The following CLUAP1 variants were observed in gnomAD, a reference collection of about 807,000 sequenced individuals.
CLUAP1 encodes the protein intraflagellar transport 38.
A neutral mutation model predicts 55.0 loss-of-function variants in CLUAP1; 50 were observed. The observed-to-expected ratio is 0.91, with a 90% CI of 0.72 to 1.15. The LOEUF (loss-of-function observed/expected upper bound fraction) is 1.15, where lower values mean the gene tolerates loss of function less well. Ranked by LOEUF, CLUAP1 falls within the 50% of genes most tolerant of loss-of-function variation. CLUAP1 has a pLI of 0.00. For synonymous variants in CLUAP1, 195 were observed against 175.4 expected (o/e 1.11, Z -0.88); for missense variants, 530 against 507.6 (o/e 1.04, Z -0.42).
intron 11 of CLUAP1, chr16:3,535,379 G>GT (rs545989108): frequency 3.3e-5 from 5 of 151,958 alleles, no homozygotes; most frequent in Non-Finnish European, 7.3e-5. Context: ...TACCTTTGGG[G>GT]TTTTTTTTCA....
intron 9 of CLUAP1, among the ~76,000 whole-genome samples, chr16:3,527,552 C>A (rs577445963): frequency 6.6e-6 from 1 of 151,978 alleles, no homozygotes; most frequent in East Asian, 1.9e-4. Context: ...TCCCTTTCCC[C>A]GGGGGAGTTT....
intron 4 of CLUAP1, among the ~76,000 whole-genome samples, chr16:3,509,073 A>G (rs2037565741): frequency 6.6e-6 from 1 of 152,012 alleles, no homozygotes; most frequent in Non-Finnish European, 1.5e-5. Flanking sequence ...CCTGGGCAAC[A>G]TAGTGAGACG....
chr16:3,537,755 T>C lies in CLUAP1; in HGVS notation c.*1484T>C, dbSNP rs2038261336. 1 of 151,900 alleles carries C rather than the reference T, an allele frequency of 6.6e-6. No homozygotes were observed. The highest frequency in any genetic ancestry group is 1.5e-5 in the Non-Finnish European group (1 of 68,004). The allele number at this position is 151,900 out of a possible 1,614,324, so 9.4% of individuals were successfully genotyped here. On this transcript the variant is annotated 3_prime_UTR_variant, in exon 12 of 12. Transcript: ENST00000576634. ...GGCTCATGCCTGTAATCCTAGCACT[T>C]TGAGAGGCTGAGGTGGGTAGATCAC... is the stretch of plus-strand genomic sequence containing the variant.
chr16:3,496,383 C>G, upstream of CLUAP1: 1 of 1,195,162 alleles, frequency 8.4e-7, no homozygotes, highest in Non-Finnish European at 1.2e-6. Context: ...AACCGGCCAC[C>G]TCTGTCCGTT....
intron 10 of CLUAP1, among the ~76,000 whole-genome samples, chr16:3,532,483 C>G (rs539085286): frequency 7.8e-6 from 1 of 128,156 alleles, no homozygotes; most frequent in South Asian, 2.7e-4. Context: ...GGCACGATCT[C>G]AGCTCACTGC....
At chr16:3,513,247 T>C (rs2037666935) in intron 5 of CLUAP1, among the ~76,000 whole-genome samples, 1 of 151,684 alleles carries the variant, frequency 6.6e-6, no homozygotes, top group Non-Finnish European at 1.5e-5. Context: ...GCATTGGGAG[T>C]TTTCAGATTC....
chr16:3,508,481 A>G lies in CLUAP1; in HGVS notation c.399+13A>G. ...TCTTGGCTCAAAGGTAAGGACAACA[A>G]AAGCCTTGTAGTGGGCGATGGAGCG... On this transcript the variant is annotated intron_variant, in intron 4 of 11. Coordinates refer to ENST00000576634, the MANE Select transcript of CLUAP1 (RefSeq NM_015041.3). 6.4e-7 allele frequency: 1 copy of G among 1,557,780 alleles called. No homozygotes were observed. The highest frequency in any genetic ancestry group is 2.4e-5 in the East Asian group (1 of 41,812).
intron 2 of CLUAP1, 72 bp downstream of exon 2, chr16:3,504,903 A>T: frequency 1.1e-6 from 1 of 937,558 alleles, no homozygotes; most frequent in Non-Finnish European, 1.8e-6. Context: ...AGAAAACAGG[A>T]CACAGCTGTG....
intron 9 of CLUAP1, among the ~76,000 whole-genome samples, chr16:3,527,851 A>G (rs1452424258): frequency 6.6e-6 from 1 of 152,136 alleles, no homozygotes; most frequent in Non-Finnish European, 1.5e-5. Context: ...CCCCCTGTCC[A>G]GTGGATACGT....
At chr16:3,518,390 TG>T (rs2037769312) in intron 6 of CLUAP1, among the ~76,000 whole-genome samples, 1 of 152,202 alleles carries the variant, frequency 6.6e-6, no homozygotes, top group Non-Finnish European at 1.5e-5. Flanking sequence ...AGAAAATATC[TG>T]TGATGTTTGA....
chr16:3,523,008 G>T, intron 7 of CLUAP1, 150 bp from the exon 8 acceptor site: 1 of 529,418 alleles, frequency 1.9e-6, no homozygotes, highest in East Asian at 3.5e-5. Flanking sequence ...GCAGAAAAGG[G>T]AAAATATTTT....
chr16:3,526,959 T>C (rs528100337), intron 9 of CLUAP1, among the ~76,000 whole-genome samples: 1 of 152,130 alleles, frequency 6.6e-6, no homozygotes, highest in Non-Finnish European at 1.5e-5. Context: ...GCCGCTCGCT[T>C]TGTGATGGTC....
intron 9 of CLUAP1, among the ~76,000 whole-genome samples, chr16:3,529,460 A>G (rs538571652): frequency 2.5e-5 from 2 of 80,434 alleles, no homozygotes; most frequent in South Asian, 5.9e-4. Context: ...ATTATTATAT[A>G]TAATATATAT....
chr16:3,508,538 C>G lies in CLUAP1; in HGVS notation c.399+70C>G, dbSNP rs761849830. 24 of 1,354,046 alleles carry G rather than the reference C, an allele frequency of 1.8e-5. No homozygotes were observed. The Admixed American group carries it at 2.0e-4, about 11-fold the overall frequency. 83.9% of individuals were successfully genotyped at this position (1,354,046 alleles called of 1,614,324 possible). Reference sequence around the variant, plus strand: ...TCTTGAGCTCTGAAGTGGAAGGAGTCTGCTACAGCTCCGCTGCTTTTCTTC... The same window carrying G: ...TCTTGAGCTCTGAAGTGGAAGGAGTGTGCTACAGCTCCGCTGCTTTTCTTC... On this transcript the variant is annotated intron_variant, in intron 4 of 11. Coordinates refer to ENST00000576634, the MANE Select transcript of CLUAP1 (RefSeq NM_015041.3).
upstream of CLUAP1, among the ~76,000 whole-genome samples, chr16:3,498,789 G>A (rs186350146): frequency 4.3e-4 from 66 of 152,198 alleles, 1 homozygote; most frequent in East Asian, 0.012. Context: ...AAACCCAGGA[G>A]GCAGAGCTTG....
chr16:3,529,370 T>G lies in CLUAP1; in HGVS notation c.929-1198T>G, dbSNP rs529510053. 2.8e-3 allele frequency among the ~76,000 whole-genome samples: 318 copies of G among 113,794 alleles called. 4 individuals carry two copies. The highest frequency in any genetic ancestry group is 0.01 in the African/African-American group (288 of 27,774). 74.7% of individuals were successfully genotyped at this position (113,794 alleles called of 152,430 possible). A position where few individuals can be genotyped will look rare whatever the true frequency, so the allele number is the denominator to read the frequency against. ...AAATCCATGGATACAGAGGGCCAGTTTTGTATGTGTGTGTGTGTGTGTGTA... is the reference window on the plus strand; with the variant it reads ...AAATCCATGGATACAGAGGGCCAGTGTTGTATGTGTGTGTGTGTGTGTGTA... On this transcript the variant is annotated intron_variant, in intron 9 of 11. Transcript: ENST00000576634.
intron 6 of CLUAP1, among the ~76,000 whole-genome samples, chr16:3,516,642 G>A (rs8050007): frequency 0.036 from 5,502 of 152,208 alleles, 277 homozygotes; most frequent in African/African-American, 0.11. Flanking sequence ...ATATAGATAG[G>A]TATAGGAATA....
At chr16:3,506,141 T>G (rs79839124) in intron 2 of CLUAP1, among the ~76,000 whole-genome samples, 190 bp from the exon 3 acceptor site, 7,371 of 152,260 alleles carry the variant, frequency 0.048, 310 homozygotes, top group African/African-American at 0.11. Context: ...GAAATCTGTT[T>G]TTCTTAGGTG....
At chr16:3,518,138 T>C (rs557310642) in intron 6 of CLUAP1, among the ~76,000 whole-genome samples, 9 of 152,316 alleles carry the variant, frequency 5.9e-5, no homozygotes, top group Admixed American at 5.2e-4. Flanking sequence ...AGCAACTTAC[T>C]GTCACCTAGG....
Sources: allele counts gnomAD v4.1 joint callset (sites outside exome capture counted in the v4.1 genomes callset), GRCh38; gene constraint gnomAD v4.1.1; transcripts MANE v1.5; gene names NCBI Gene and HGNC (gene_info 2026-07-23, HGNC 2026-07-21).